The following PFN4 variants were observed in gnomAD, a reference collection of about 807,000 sequenced individuals.
PFN4 encodes the protein profilin family member 4.
In PFN4, 10 loss-of-function variants were observed where a neutral mutation model predicts 16.3. That is an observed-to-expected ratio of 0.61 (90% confidence interval 0.38 to 1.04). The LOEUF is 1.04. Among genes scored for constraint, PFN4 ranks in the 50% least tolerant of loss-of-function variants. PFN4 has a pLI of 0.01. For missense variants in PFN4, 136 were observed against 153.6 expected (o/e 0.89, Z 0.61); for synonymous variants, 54 against 56.9 (o/e 0.95, Z 0.23).
rs867942236 is a variant in PFN4 at position 24,119,524 on chromosome 2, G to A, written c.361+53C>T. ...AGTTGGATCTCTGTTACTCGTAGTC[G>A]GAAGACCCAACTAACATAGGGAATG... On this transcript the variant is annotated intron_variant, in intron 4 of 4. Coordinates refer to ENST00000313213, the MANE Select transcript of PFN4 (RefSeq NM_199346.3). 38 of 1,324,542 alleles carry A rather than the reference G, an allele frequency of 2.9e-5. 1 individual carries two copies. Among genetic ancestry groups the A allele is most frequent in the Middle Eastern group, 4.3e-4 (2 of 4,704 alleles). The allele number at this position is 1,324,542 out of a possible 1,614,324, so 82.0% of individuals were successfully genotyped here.
chr2:24,122,536 G>C lies in PFN4; in HGVS notation c.-1C>G, dbSNP rs748171442. On this transcript the variant is annotated 5_prime_UTR_variant, in exon 2 of 5. Transcript: ENST00000313213. Reference sequence around the variant, plus strand: ...ACAATAAGCTCTGCAAATGGCTCATGTTCCCTCAACTCTGAAAGGGAAAGT... The same window carrying C: ...ACAATAAGCTCTGCAAATGGCTCATCTTCCCTCAACTCTGAAAGGGAAAGT... The C allele has an allele frequency of 5.0e-6, 8 of 1,605,048 alleles. No homozygotes were observed. Among genetic ancestry groups the C allele is most frequent in the Admixed American group, 1.7e-5 (1 of 59,292 alleles).
chr2:24,122,342 T>C (rs1351968106), intron 2 of PFN4, 77 bp downstream of exon 2: 2 of 969,138 alleles, frequency 2.1e-6, no homozygotes, highest in African/African-American at 1.7e-5. Context: ...AAAAAAAAAG[T>C]CATGTCTGCT....
chr2:24,122,602 T>C (rs1435337479), intron 1 of PFN4, 55 bp from the exon 2 acceptor site: 1 of 1,066,948 alleles, frequency 9.4e-7, no homozygotes, highest in Non-Finnish European at 1.5e-6. Flanking sequence ...TTAAAAGGCA[T>C]GTGAATACAA....
chr2:24,122,141 G>A (rs923027088), intron 2 of PFN4, among the ~76,000 whole-genome samples: 1 of 152,098 alleles, frequency 6.6e-6, no homozygotes, highest in Admixed American at 6.5e-5. Context: ...AGACTAGCCT[G>A]ACCAACATGG....
Position 24,119,645 on chromosome 2 carries a change from T to C in PFN4, c.293A>G (p.Tyr98Cys), listed in dbSNP as rs1666033155. Residue 98 changes from tyrosine to cysteine, a missense_variant, in exon 4 of 5, where the codon TAT (tyrosine) becomes TGT (cysteine). Transcript: ENST00000313213. The stretch of plus-strand genomic sequence containing the variant: ...CTCAGTGTAAGTTGCTACCAGAAGA[T>C]ACAGATGGGTCTTCACGACAACCAC... The part of the protein sequence containing the change: ...TGVVVVKTHL[Y>C]LLVATYTEGM... 1.2e-6 allele frequency: 2 copies of C among 1,613,660 alleles called. No individual in the cohort carries two copies. The highest frequency in any genetic ancestry group is 1.3e-5 in the African/African-American group (1 of 75,016).
intron 4 of PFN4, among the ~76,000 whole-genome samples, chr2:24,116,388 C>T (rs1665917873): frequency 6.6e-6 from 1 of 152,138 alleles, no homozygotes; most frequent in South Asian, 2.1e-4. Flanking sequence ...GATGGGGTCT[C>T]ACTATGTTGC....
rs143528519 is a variant in PFN4 at position 24,119,924 on chromosome 2, G to A, written c.256-242C>T. ...CAGACTGTTATAATAATGGTAGATGGATTTTGAAAAAGTTCTGCAATTGAT... is the reference window on the plus strand; with the variant it reads ...CAGACTGTTATAATAATGGTAGATGAATTTTGAAAAAGTTCTGCAATTGAT... On this transcript the variant is annotated intron_variant, in intron 3 of 4. Transcript: ENST00000313213. 2.4e-3 allele frequency among the ~76,000 whole-genome samples: 365 copies of A among 152,210 alleles called. 2 individuals carry two copies. Among genetic ancestry groups the A allele is most frequent in the African/African-American group, 8.4e-3 (351 of 41,542 alleles).
At chr2:24,122,688 C>G (rs1666159308) in intron 1 of PFN4, 141 bp from the exon 2 acceptor site, 1 of 582,606 alleles carries the variant, frequency 1.7e-6, no homozygotes, top group Non-Finnish European at 3.0e-6. Flanking sequence ...AAACGGTGGT[C>G]CATCATTCAG....
intron 1 of PFN4, 122 bp from the exon 2 acceptor site, chr2:24,122,669 A>G: frequency 1.5e-6 from 1 of 646,130 alleles, no homozygotes; most frequent in Admixed American, 2.7e-5. Flanking sequence ...TTGAAAAGGT[A>G]CAGGGTGAAA....
chr2:24,122,877 A>T (rs1666165286), intron 1 of PFN4: 1 of 179,402 alleles, frequency 5.6e-6, no homozygotes. Context: ...AAAACTCTGT[A>T]AAATAAAAAA....
rs923660507 is a variant in PFN4 at position 24,114,911 on chromosome 2, C to A, written c.*672G>T. On this transcript the variant is annotated 3_prime_UTR_variant, in exon 5 of 5. Transcript: ENST00000313213. ...GAGAGTTAGGGTTAGAGTCAGAAAT[C>A]TTTTTGAGTTGATTTTTGAGAAGGC... 3.3e-5 allele frequency among the ~76,000 whole-genome samples: 5 copies of A among 152,264 alleles called. No individual in the cohort carries two copies. In the East Asian group the frequency reaches 9.6e-4, roughly 29 times the overall value.
At chr2:24,116,470 G>T (rs1034672322) in intron 4 of PFN4, among the ~76,000 whole-genome samples, 1 of 152,124 alleles carries the variant, frequency 6.6e-6, no homozygotes, top group Admixed American at 6.5e-5. Flanking sequence ...AGGGCTACAG[G>T]TGCACTCCAC....
At chr2:24,116,370 G>A (rs951770254) in intron 4 of PFN4, among the ~76,000 whole-genome samples, 5 of 151,922 alleles carry the variant, frequency 3.3e-5, no homozygotes, top group African/African-American at 4.8e-5. Context: ...ATGTACTCAC[G>A]TTTTAAAGAT....
At chr2:24,117,631 C>A (rs1665965086) in intron 4 of PFN4, among the ~76,000 whole-genome samples, 1 of 151,702 alleles carries the variant, frequency 6.6e-6, no homozygotes, top group South Asian at 2.1e-4. Flanking sequence ...TTAGTAAAGA[C>A]AGGATTTTGC....
At chr2:24,118,238 C>T (rs1203629845) in intron 4 of PFN4, among the ~76,000 whole-genome samples, 1 of 152,160 alleles carries the variant, frequency 6.6e-6, no homozygotes, top group Non-Finnish European at 1.5e-5. Context: ...GCTCTCTGCT[C>T]CTGCCCTACA....
intron 1 of PFN4, chr2:24,122,789 G>A (rs775273861): frequency 8.7e-6 from 3 of 344,128 alleles, no homozygotes; most frequent in Non-Finnish European, 1.6e-5. Context: ...GAAAATCACA[G>A]CCTGGTGATT....
At chr2:24,121,328 A>T in intron 2 of PFN4, 28 bp from the exon 3 acceptor site, 2 of 1,601,714 alleles carry the variant, frequency 1.2e-6, no homozygotes, top group Non-Finnish European at 1.7e-6. Flanking sequence ...TTAGAGCAGG[A>T]GTCAGCCAAC....
rs1183287002 is a variant in PFN4 at position 24,121,256 on chromosome 2, C to T, written c.162G>A (p.Lys54=). The T allele has an allele frequency of 1.2e-6, 2 of 1,614,146 alleles. No homozygotes were observed. Among genetic ancestry groups the T allele is most frequent in the Admixed American group, 3.3e-5 (2 of 60,010 alleles). Residue 54 remains lysine, a synonymous_variant, in exon 3 of 5, where the codon AAG becomes AAA. Transcript: ENST00000313213. ...DVRTLVNGFA[K]NPLQARREGL... ...CTTCTCTTCGGGCTTGCAAAGGGTT[C>T]TTGGCAAATCCATTCACCAGTGTTC...
chr2:24,122,169 T>G (rs897316808), intron 2 of PFN4, among the ~76,000 whole-genome samples: 1 of 151,992 alleles, frequency 6.6e-6, no homozygotes, highest in Non-Finnish European at 1.5e-5. Context: ...CCATCTCTAC[T>G]AAAAATACAA....
Sources: gnomAD v4.1 joint callset for allele counts (sites outside exome capture counted in the v4.1 genomes callset) on GRCh38, gnomAD v4.1.1 for gene constraint, MANE v1.5 for transcripts, NCBI Gene and HGNC (gene_info 2026-07-23, HGNC 2026-07-21) for gene names.